Variants in FRMD4A observed in about 807,000 individuals in gnomAD.
FRMD4A encodes FERM domain containing 4A.
A neutral mutation model predicts 129.1 loss-of-function variants in FRMD4A; 29 were observed. That is an observed-to-expected ratio of 0.22 (90% confidence interval 0.17 to 0.31). The LOEUF is 0.31. Ranked by LOEUF, FRMD4A falls within the 10% of genes least tolerant of loss-of-function variation. FRMD4A has a pLI of 1.00. For missense variants in FRMD4A, 1,272 were observed against 1,375.8 expected (o/e 0.92, Z 1.19); for synonymous variants, 634 against 571.6 (o/e 1.11, Z -1.56).
At chr10:13,778,167 G>A (rs1015834637) in intron 6 of FRMD4A, among the ~76,000 whole-genome samples, 1 of 152,006 alleles carries the variant, frequency 6.6e-6, no homozygotes, top group Non-Finnish European at 1.5e-5. Flanking sequence ...GCTGCCCAAG[G>A]CTGCCACCTG....
intron 2 of FRMD4A, among the ~76,000 whole-genome samples, chr10:14,095,988 A>G (rs1027603985): frequency 1.3e-5 from 2 of 152,250 alleles, no homozygotes; most frequent in African/African-American, 4.8e-5. Context: ...ATATGTGCCC[A>G]GTTGTGAGAG....
At chr10:13,735,402 G>A (rs1425919209) in intron 12 of FRMD4A, among the ~76,000 whole-genome samples, 18 of 152,124 alleles carry the variant, frequency 1.2e-4, no homozygotes, top group Admixed American at 1.1e-3. Flanking sequence ...ATTCATTATT[G>A]TAAATTCTCT....
At chr10:13,848,234 C>T (rs1049862607) in intron 3 of FRMD4A, among the ~76,000 whole-genome samples, 1 of 152,056 alleles carries the variant, frequency 6.6e-6, no homozygotes, top group African/African-American at 2.4e-5. Flanking sequence ...GTGAAGATAT[C>T]ACGGAAAAAA....
At chr10:13,873,264 A>G (rs1345146228) in intron 2 of FRMD4A, among the ~76,000 whole-genome samples, 2 of 62,136 alleles carry the variant, frequency 3.2e-5, no homozygotes, top group African/African-American at 1.4e-4. Context: ...AAAAAAAGAT[A>G]AGGCTGAAAA....
chr10:14,070,462 C>T (rs961999337), intron 2 of FRMD4A, among the ~76,000 whole-genome samples: 1 of 152,074 alleles, frequency 6.6e-6, no homozygotes, highest in African/African-American at 2.4e-5. Context: ...GAAAGTCAGC[C>T]CATTGGAAAA....
At chr10:14,106,399 A>G (rs977885422) in intron 2 of FRMD4A, among the ~76,000 whole-genome samples, 10 of 152,334 alleles carry the variant, frequency 6.6e-5, no homozygotes, top group Admixed American at 1.3e-4. Flanking sequence ...AATAGTATCT[A>G]GATCCATCAC....
chr10:13,765,101 A>ATTTTTTTTTTTTTTTTTTTTTTTTT (rs10708906), intron 6 of FRMD4A, among the ~76,000 whole-genome samples: 3 of 125,276 alleles, frequency 2.4e-5, no homozygotes, highest in Non-Finnish European at 4.9e-5. Flanking sequence ...TCAAGGATTG[A>ATTTTTTTTTTTTTTTTTTTTTTTTT]TTTTTTTTTT....
Position 13,714,024 on chromosome 10 carries a change from A to ATATATTT in FRMD4A, c.760-6912_760-6911insAAATATA, listed in dbSNP as rs1177689634. ...CATATATAATATACATATATAAAAT[A>ATATATTT]TACATATATATATATATATATATAT... is the stretch of plus-strand genomic sequence containing the variant. On this transcript the variant is annotated intron_variant, in intron 12 of 24. Coordinates refer to ENST00000357447, the MANE Select transcript of FRMD4A (RefSeq NM_018027.5). 5.9e-4 allele frequency among the ~76,000 whole-genome samples: 25 copies of ATATATTT among 42,166 alleles called. 10 individuals carry two copies. Among genetic ancestry groups the ATATATTT allele is most frequent in the Admixed American group, 1.2e-3 (3 of 2,594 alleles). 27.7% of individuals were successfully genotyped at this position (42,166 alleles called of 152,430 possible).
chr10:13,670,437 A>G lies in FRMD4A; in HGVS notation c.1343T>C (p.Leu448Pro), dbSNP rs1195552886. The G allele has an allele frequency of 1.9e-6, 3 of 1,613,368 alleles. No individual in the cohort carries two copies. In the East Asian group the frequency reaches 6.7e-5, roughly 36 times the overall value. The change falls in exon 17 of 25, where the codon CTG becomes CCG. Residue 448 changes from leucine (L) to proline (P), a missense_variant. Transcript: ENST00000357447. Reference protein sequence around the residue: ...VRRRIGTAFKLDEQKILPKGE... With the variant: ...VRRRIGTAFKPDEQKILPKGE... ...TTTGGGCAGGATTTTCTGTTCATCC[A>G]GTTTGAAGGCTGTTCCTATTCTTCT... is the stretch of plus-strand genomic sequence containing the variant.
chr10:13,952,761 T>G (rs2131338563), intron 2 of FRMD4A, among the ~76,000 whole-genome samples: 1 of 152,304 alleles, frequency 6.6e-6, no homozygotes, highest in Non-Finnish European at 1.5e-5. Context: ...TAGCATGATC[T>G]CAGCTCACTG....
chr10:13,825,637 G>T (rs1217728380), intron 3 of FRMD4A, among the ~76,000 whole-genome samples: 1 of 152,152 alleles, frequency 6.6e-6, no homozygotes, highest in Non-Finnish European at 1.5e-5. Context: ...AAAGCTTGGG[G>T]ATCACTGGTC....
chr10:13,962,979 T>G (rs1027950178), intron 2 of FRMD4A, among the ~76,000 whole-genome samples: 14 of 152,250 alleles, frequency 9.2e-5, no homozygotes, highest in African/African-American at 2.9e-4. Flanking sequence ...TTAGGTTGTT[T>G]GCAAATACTG....
intron 2 of FRMD4A, among the ~76,000 whole-genome samples, chr10:14,075,026 C>T (rs547184324): frequency 1.4e-5 from 2 of 142,218 alleles, no homozygotes; most frequent in Non-Finnish European, 3.0e-5. Flanking sequence ...AGAAAGATGT[C>T]CTTATGAATT....
At chr10:13,762,849 C>T (rs2092128086) in intron 6 of FRMD4A, among the ~76,000 whole-genome samples, 169 bp from the exon 7 acceptor site, 1 of 152,078 alleles carries the variant, frequency 6.6e-6, no homozygotes, top group Non-Finnish European at 1.5e-5. Flanking sequence ...TAAAAATTAG[C>T]TGGGCAGGGT....
intron 2 of FRMD4A, among the ~76,000 whole-genome samples, chr10:14,094,507 G>A (rs1295881680): frequency 6.6e-6 from 1 of 152,100 alleles, no homozygotes; most frequent in Non-Finnish European, 1.5e-5. Flanking sequence ...CCTTTCAAAC[G>A]CAGAGCAGCT....
intron 2 of FRMD4A, among the ~76,000 whole-genome samples, chr10:13,973,405 C>G: frequency 6.6e-6 from 1 of 152,106 alleles, no homozygotes; most frequent in Non-Finnish European, 1.5e-5. Flanking sequence ...AGGCTGATCT[C>G]AAGCTCCTGG....
At chr10:14,145,227 T>C (rs1490181238) in intron 2 of FRMD4A, among the ~76,000 whole-genome samples, 2 of 152,200 alleles carry the variant, frequency 1.3e-5, no homozygotes, top group African/African-American at 4.8e-5. Flanking sequence ...GAACCTCGAA[T>C]TCTATTCCTA....
At chr10:14,098,644 G>C (rs1270585146) in intron 2 of FRMD4A, among the ~76,000 whole-genome samples, 1 of 152,020 alleles carries the variant, frequency 6.6e-6, no homozygotes, top group East Asian at 1.9e-4. Context: ...TCCTGACCCC[G>C]TGATCCGCCC....
At chr10:14,127,141 G>A (rs746118058) in intron 2 of FRMD4A, among the ~76,000 whole-genome samples, 4 of 152,204 alleles carry the variant, frequency 2.6e-5, no homozygotes, top group African/African-American at 7.2e-5. Flanking sequence ...AGGCAGGAAA[G>A]TCTGCCCCTG....
Sources: gnomAD v4.1 joint callset for allele counts (sites outside exome capture counted in the v4.1 genomes callset) on GRCh38, gnomAD v4.1.1 for gene constraint, MANE v1.5 for transcripts, NCBI Gene and HGNC (gene_info 2026-07-23, HGNC 2026-07-21) for gene names.